The following CACNA1G variants were observed in gnomAD, a reference collection of about 807,000 sequenced individuals.
The protein encoded by CACNA1G is calcium voltage-gated channel subunit alpha1 G.
CACNA1G carries 67 observed loss-of-function variants against 219.4 expected under a neutral mutation model. That is an observed-to-expected ratio of 0.31 (90% CI 0.25 to 0.37). CACNA1G has a LOEUF of 0.37. Ranked by LOEUF, CACNA1G falls within the 10% of genes least tolerant of loss-of-function variation. The pLI is 1.00. For synonymous variants in CACNA1G, 1,296 were observed against 1,345.3 expected, an observed-to-expected ratio of 0.96 and a Z score of 0.80; for missense variants, 2,380 against 3,231.4, an observed-to-expected ratio of 0.74 and a Z score of 6.39.
intron 23 of CACNA1G, among the ~76,000 whole-genome samples, 166 bp from the exon 24 acceptor site, chr17:50,606,734 A>G (rs2145939131): frequency 6.6e-6 from 1 of 152,230 alleles, no homozygotes; most frequent in South Asian, 2.1e-4. Context: ...CAGTTATGGA[A>G]CCCTGAGAGG....
intron 9 of CACNA1G, among the ~76,000 whole-genome samples, chr17:50,586,596 T>C (rs1337111214): frequency 6.6e-6 from 1 of 152,194 alleles, no homozygotes; most frequent in Non-Finnish European, 1.5e-5. Context: ...GCCCTGGGGC[T>C]GGGGTTTCTC....
rs138906232 is a variant in CACNA1G, at chr17:50,561,925, C to T, written c.242+224C>T. 659 of 354,760 alleles carry T rather than the reference C, an allele frequency of 1.9e-3. 6 individuals are homozygous for T. The highest frequency in any genetic ancestry group is 0.015 in the African/African-American group (623 of 42,720). 22.0% of individuals were successfully genotyped at this position (354,760 alleles called of 1,614,324 possible). A position where few individuals can be genotyped will look rare whatever the true frequency, so the allele number is the denominator to read the frequency against. On this transcript the variant is annotated intron_variant, in intron 1 of 37. Coordinates refer to ENST00000359106, the MANE Select transcript of CACNA1G (RefSeq NM_018896.5). ...CGGGCTTACCCCACCTGCGTACACA[C>T]ACCTCAGTCTTCCTGGGTTGGGGGG... is the stretch of plus-strand genomic sequence containing the variant.
chr17:50,588,990 A>C (rs2043592588), intron 9 of CACNA1G, among the ~76,000 whole-genome samples: 1 of 152,196 alleles, frequency 6.6e-6, no homozygotes, highest in African/African-American at 2.4e-5. Flanking sequence ...CCAGCGAGAC[A>C]GTGAGAAGCA....
chr17:50,561,834 G>C (rs545101269), intron 1 of CACNA1G, 133 bp downstream of exon 1: 2 of 323,144 alleles, frequency 6.2e-6, no homozygotes, highest in Non-Finnish European at 1.1e-5. Flanking sequence ...ATGGGGGGGG[G>C]GCTGCCAGGG....
intron 9 of CACNA1G, among the ~76,000 whole-genome samples, chr17:50,580,521 A>T (rs912985758): frequency 6.6e-6 from 1 of 152,210 alleles, no homozygotes; most frequent in Non-Finnish European, 1.5e-5. Flanking sequence ...ACACAGACCC[A>T]GGGCAGATGA....
At chr17:50,595,726 A>T (rs1397633508) in intron 14 of CACNA1G, among the ~76,000 whole-genome samples, 1 of 152,254 alleles carries the variant, frequency 6.6e-6, no homozygotes, top group East Asian at 1.9e-4. Flanking sequence ...ATTCGGGGCG[A>T]AGCCAGCATT....
rs568452450 is a variant in CACNA1G at position 50,589,662 on chromosome 17, C to T, written c.2302-809C>T. On this transcript the variant is annotated intron_variant, in intron 9 of 37. Coordinates refer to ENST00000359106, the MANE Select transcript of CACNA1G (RefSeq NM_018896.5). ...GCATCCTCAGTCCCAGTCCCAGACT[C>T]GGGTAGGGAGCATGAAAGGAATTAC... Among the ~76,000 whole-genome samples, 6 of 152,232 alleles carry T rather than the reference C, an allele frequency of 3.9e-5. No homozygotes were observed. In the East Asian group the frequency reaches 9.7e-4, roughly 24 times the overall value.
chr17:50,616,463 A>G (rs982059506), intron 28 of CACNA1G, 79 bp downstream of exon 28: 15 of 860,116 alleles, frequency 1.7e-5, no homozygotes, highest in Non-Finnish European at 2.7e-5. Flanking sequence ...ACCCAGGAAG[A>G]CCTAGTGTCT....
intron 4 of CACNA1G, among the ~76,000 whole-genome samples, chr17:50,570,871 G>A (rs936944325): frequency 6.6e-6 from 1 of 152,218 alleles, no homozygotes; most frequent in Non-Finnish European, 1.5e-5. Context: ...TGGCAGGGGC[G>A]AGGCTGGGCG....
At chr17:50,622,730 T>G (rs1457610507) in intron 35 of CACNA1G, among the ~76,000 whole-genome samples, 1 of 152,126 alleles carries the variant, frequency 6.6e-6, no homozygotes, top group East Asian at 1.9e-4. Flanking sequence ...CTAGGCTCCC[T>G]CATGCTGGAG....
At chr17:50,584,379 T>C (rs1369543763) in intron 9 of CACNA1G, among the ~76,000 whole-genome samples, 1 of 151,286 alleles carries the variant, frequency 6.6e-6, no homozygotes, top group East Asian at 1.9e-4. Flanking sequence ...TTGCTCAGGG[T>C]CGGGGAAGCC....
intron 36 of CACNA1G, 93 bp downstream of exon 36, chr17:50,624,168 C>A: frequency 6.8e-7 from 1 of 1,475,356 alleles, no homozygotes; most frequent in Non-Finnish European, 9.3e-7. Flanking sequence ...GGAACTGAGG[C>A]AGCCAAAGAG....
chr17:50,572,465 G>A (rs1484844825), intron 5 of CACNA1G, 89 bp from the exon 6 acceptor site: 12 of 1,143,678 alleles, frequency 1.0e-5, no homozygotes, highest in South Asian at 1.6e-5. Context: ...TATATGCCTC[G>A]AGCACTCGTG....
intron 9 of CACNA1G, among the ~76,000 whole-genome samples, chr17:50,586,430 G>A (rs898499043): frequency 3.3e-5 from 5 of 152,166 alleles, no homozygotes; most frequent in African/African-American, 1.2e-4. Context: ...GCTGTCCCCA[G>A]CTGGGGACAC....
chr17:50,619,769 A>C lies in CACNA1G; in HGVS notation c.5868A>C (p.Pro1956=), dbSNP rs1206330475. The C allele has an allele frequency of 6.2e-7, 1 of 1,607,234 alleles. No homozygotes were observed. The highest frequency in any genetic ancestry group is 8.5e-7 in the Non-Finnish European group (1 of 1,178,042). Residue 1956 remains proline (P), a synonymous_variant, in exon 34 of 38, where the codon CCA becomes CCC. Transcript: ENST00000359106. ...AGCTGATGGACGAGCTGGCAGGCCCAGGGGGCCAGCCCTCTGCCTTCCCTT... is the reference window on the plus strand; with the variant it reads ...AGCTGATGGACGAGCTGGCAGGCCCCGGGGGCCAGCCCTCTGCCTTCCCTT... ...ELKLMDELAG[P]GGQPSAFPSA... is the part of the protein sequence containing the mutation.
intron 36 of CACNA1G, 125 bp downstream of exon 36, chr17:50,624,200 C>T (rs1598842919): frequency 7.6e-7 from 1 of 1,314,114 alleles, no homozygotes. Flanking sequence ...CTCAGGGGAG[C>T]CTCCAGCCTG....
In CACNA1G at chr17:50,575,816, G is replaced by C. The variant is rs1450225146; in HGVS notation, c.1414G>C (p.Gly472Arg). 1.3e-6 allele frequency: 2 copies of C among 1,551,136 alleles called. No homozygotes were observed. The highest frequency in any genetic ancestry group is 2.4e-5 in the South Asian group (2 of 84,162). ...GCTGCTCAGCAGCCCAGCACCCCTC[G>C]GGGGCCAGGAGACCCAGCCCAGCAG... is the stretch of plus-strand genomic sequence containing the variant. ...VGLLSSPAPLGGQETQPSSSC... is the reference protein window; with the variant it reads ...VGLLSSPAPLRGQETQPSSSC... Residue 472 changes from glycine to arginine, a missense_variant, in exon 8 of 38, where the codon GGG (glycine) becomes CGG (arginine). Transcript: ENST00000359106.
rs1016729159 is a variant in CACNA1G, at chr17:50,621,839, G to A, written c.6060+45G>A. On this transcript the variant is annotated intron_variant, in intron 35 of 37. Coordinates refer to ENST00000359106, the MANE Select transcript of CACNA1G (RefSeq NM_018896.5). The surrounding 1 kb of genome is among the most constrained non-coding windows in gnomAD (Gnocchi z 4.6). ...ACTGCTCCCGGCCACCCCCGGGGCT[G>A]GACTGGCTGCAGGGCTCCAGATCGG... 12 of 1,607,166 alleles carry A rather than the reference G, an allele frequency of 7.5e-6. No homozygotes were observed. Among genetic ancestry groups the A allele is most frequent in the African/African-American group, 1.3e-5 (1 of 74,852 alleles).
At chr17:50,583,217 G>A (rs1308444246) in intron 9 of CACNA1G, among the ~76,000 whole-genome samples, 1 of 152,148 alleles carries the variant, frequency 6.6e-6, no homozygotes, top group Non-Finnish European at 1.5e-5. Flanking sequence ...AAGAGCTAGG[G>A]CTGAGGACCA....
Sources: gnomAD v4.1 joint callset for allele counts (sites outside exome capture counted in the v4.1 genomes callset) on GRCh38, gnomAD v4.1.1 for gene constraint, Gnocchi (gnomAD v3.1) non-coding constraint, MANE v1.5 for transcripts, NCBI Gene and HGNC (gene_info 2026-07-23, HGNC 2026-07-21) for gene names.